Variants in XRCC4 observed in about 807,000 individuals in gnomAD.
XRCC4 encodes the protein DNA repair protein XRCC4.
A neutral mutation model predicts 39.1 loss-of-function variants in XRCC4; 28 were observed. That is an observed-to-expected ratio of 0.72 (90% CI 0.53 to 0.98). XRCC4 has a LOEUF of 0.98. Ranked by LOEUF, XRCC4 falls within the 50% of genes least tolerant of loss-of-function variation. XRCC4 has a pLI of 0.00. For synonymous variants in XRCC4, 123 were observed against 126.4 expected (o/e 0.97, Z 0.18); for missense variants, 350 against 376.4 (o/e 0.93, Z 0.58).
At chr5:83,103,009 G>GATATATATATATAT (rs56183616) in intron 1 of XRCC4, among the ~76,000 whole-genome samples, 2,802 of 106,220 alleles carry the variant, frequency 0.026, 101 homozygotes, top group East Asian at 0.098. Context: ...AGATAGAGCT[G>GATATATATATATAT]ATATATATAT....
chr5:83,263,709 A>C (rs560703394), intron 7 of XRCC4, among the ~76,000 whole-genome samples: 4 of 149,330 alleles, frequency 2.7e-5, no homozygotes, highest in South Asian at 2.1e-4. Context: ...TTTTTCTTGT[A>C]AATTTGTTTG....
chr5:83,282,084 T>C (rs1754561766), intron 7 of XRCC4, among the ~76,000 whole-genome samples: 1 of 152,232 alleles, frequency 6.6e-6, no homozygotes, highest in African/African-American at 2.4e-5. Context: ...TGAAGAAATA[T>C]GTCAGAAATA....
chr5:83,077,983 G>A (rs1236456530), intron 1 of XRCC4: 1 of 152,286 alleles, frequency 6.6e-6, no homozygotes, highest in Non-Finnish European at 1.5e-5. Flanking sequence ...CCCCAGCACT[G>A]GCCTGTCCTT....
rs1230571197 is a variant in XRCC4 at position 83,252,216 on chromosome 5, T to C, written c.746-6314T>C. Among the ~76,000 whole-genome samples the C allele has an allele frequency of 3.3e-5, 5 of 152,192 alleles. No homozygotes were observed. In the East Asian group the frequency reaches 9.6e-4, roughly 29 times the overall value. On this transcript the variant is annotated intron_variant, in intron 6 of 7. Transcript: ENST00000396027. ...AAAGAAGGAATATGTGTTTTGAAGTTTCAGACTCATTTAGGGTTGTATTTT... is the reference window on the plus strand; with the variant it reads ...AAAGAAGGAATATGTGTTTTGAAGTCTCAGACTCATTTAGGGTTGTATTTT...
At chr5:83,324,473 ATATCTTTGTCAATATCCT>A (rs1756180768) in intron 7 of XRCC4, among the ~76,000 whole-genome samples, 1 of 152,154 alleles carries the variant, frequency 6.6e-6, no homozygotes, top group Non-Finnish European at 1.5e-5. Context: ...ATTCATGTAA[ATATCTTTGTCAATATCCT>A]TATCCTTGTC....
At chr5:83,330,584 G>T (rs992271755) in intron 7 of XRCC4, among the ~76,000 whole-genome samples, 4 of 151,882 alleles carry the variant, frequency 2.6e-5, no homozygotes, top group Admixed American at 1.3e-4. Flanking sequence ...ATAAGAGAGG[G>T]TTATACTTAT....
At chr5:83,326,915 G>A (rs559828533) in intron 7 of XRCC4, among the ~76,000 whole-genome samples, 3 of 151,922 alleles carry the variant, frequency 2.0e-5, no homozygotes, top group Non-Finnish European at 2.9e-5. Context: ...TGAACAATAC[G>A]CTGTTTTTAA....
intron 6 of XRCC4, among the ~76,000 whole-genome samples, chr5:83,239,340 A>G (rs1235347896): frequency 6.6e-6 from 1 of 152,206 alleles, no homozygotes; most frequent in Non-Finnish European, 1.5e-5. Context: ...ATAAGTGATT[A>G]ATGAATGAAT....
intron 6 of XRCC4, among the ~76,000 whole-genome samples, chr5:83,258,224 A>C (rs1394585085): frequency 6.6e-6 from 1 of 152,058 alleles, no homozygotes; most frequent in Admixed American, 6.6e-5. Context: ...TGTTGCTATG[A>C]TTTCTAGTTA....
intron 6 of XRCC4, among the ~76,000 whole-genome samples, chr5:83,228,646 A>G (rs1231165898): frequency 6.6e-6 from 1 of 152,062 alleles, no homozygotes; most frequent in Admixed American, 6.6e-5. Flanking sequence ...TTTGCACTTA[A>G]ACAAAAATAC....
intron 6 of XRCC4, among the ~76,000 whole-genome samples, chr5:83,205,368 T>C (rs753414984): frequency 3.3e-5 from 5 of 152,042 alleles, no homozygotes; most frequent in African/African-American, 4.8e-5. Context: ...AGAAAAAAGA[T>C]TGCAACAAGT....
At position 83,262,987 on chromosome 5, in the gene XRCC4, TC is replaced by T. The variant is rs1170661241; in HGVS notation, c.893+4317del. On this transcript the variant is annotated intron_variant, in intron 7 of 7. Transcript: ENST00000396027. ...TAGGTATATCTCCCGATGCTATCCC[TC>T]CCCCCCTCCCCCCACCCCACCACAG... is the stretch of plus-strand genomic sequence containing the variant. 1.6e-4 allele frequency among the ~76,000 whole-genome samples: 13 copies of T among 80,398 alleles called. No individual in the cohort carries two copies. The South Asian group carries it at 1.6e-3, about 10-fold the overall frequency. 52.7% of individuals were successfully genotyped at this position (80,398 alleles called of 152,430 possible). A position where few individuals can be genotyped will look rare whatever the true frequency, so the allele number is the denominator to read the frequency against.
chr5:83,277,324 A>G (rs1379229510), intron 7 of XRCC4, among the ~76,000 whole-genome samples: 3 of 152,222 alleles, frequency 2.0e-5, no homozygotes, highest in Admixed American at 1.3e-4. Flanking sequence ...AGTTTTGATT[A>G]AAAGTGACAT....
intron 7 of XRCC4, among the ~76,000 whole-genome samples, chr5:83,307,759 TGAGA>T (rs1164003687): frequency 6.6e-6 from 1 of 152,146 alleles, no homozygotes; most frequent in Non-Finnish European, 1.5e-5. Flanking sequence ...CTGGGAAGGT[TGAGA>T]GAGAGAACTG....
At chr5:83,327,425 C>G (rs1271180553) in intron 7 of XRCC4, among the ~76,000 whole-genome samples, 2 of 151,870 alleles carry the variant, frequency 1.3e-5, no homozygotes, top group African/African-American at 2.4e-5. Flanking sequence ...ACAGTTTGTT[C>G]ATCTATTCAT....
intron 1 of XRCC4, among the ~76,000 whole-genome samples, chr5:83,078,906 T>C (rs1199669491): frequency 2.6e-5 from 4 of 152,262 alleles, no homozygotes; most frequent in African/African-American, 9.6e-5. Context: ...TTATACCTTT[T>C]AGGTCTTGCC....
At chr5:83,323,078 G>A (rs191502858) in intron 7 of XRCC4, among the ~76,000 whole-genome samples, 21 of 152,180 alleles carry the variant, frequency 1.4e-4, no homozygotes, top group African/African-American at 5.1e-4. Context: ...TATTGACTCT[G>A]ATGGATCTAG....
intron 3 of XRCC4, among the ~76,000 whole-genome samples, chr5:83,114,710 C>G (rs892590510): frequency 1.3e-5 from 2 of 152,206 alleles, no homozygotes; most frequent in Non-Finnish European, 2.9e-5. Context: ...ATTTTCCTGT[C>G]TTCTTTTGAG....
chr5:83,241,400 CTA>C (rs542362912), intron 6 of XRCC4, among the ~76,000 whole-genome samples: 18 of 152,200 alleles, frequency 1.2e-4, no homozygotes, highest in Admixed American at 4.6e-4. Context: ...TTACACAAAT[CTA>C]TCTTTTTGTG....
Sources: allele counts gnomAD v4.1 joint callset (sites outside exome capture counted in the v4.1 genomes callset), GRCh38; gene constraint gnomAD v4.1.1; transcripts MANE v1.5; gene names NCBI Gene and HGNC (gene_info 2026-07-23, HGNC 2026-07-21).